The following GPC6 variants were observed in gnomAD, a reference collection of about 807,000 sequenced individuals.
The protein encoded by GPC6 is glypican 6.
GPC6 carries 14 observed loss-of-function variants against 55.2 expected under a neutral mutation model. That is an observed-to-expected ratio of 0.25 (90% CI 0.17 to 0.40). GPC6 has a LOEUF of 0.40. Ranked by LOEUF, GPC6 falls within the 10% of genes least tolerant of loss-of-function variation. The pLI, the probability that GPC6 is intolerant of heterozygous loss-of-function variation, is 1.00. For synonymous variants in GPC6, 278 were observed against 259.6 expected, an observed-to-expected ratio of 1.07 and a Z score of -0.68; for missense variants, 641 against 708.5, an observed-to-expected ratio of 0.90 and a Z score of 1.08.
chr13:94,053,268 A>C (rs1536778), intron 4 of GPC6, among the ~76,000 whole-genome samples: 5,082 of 152,154 alleles, frequency 0.033, 247 homozygotes, highest in African/African-American at 0.097. Flanking sequence ...AACTGGAATT[A>C]TGGAGGGTCA....
intron 6 of GPC6, among the ~76,000 whole-genome samples, chr13:94,308,914 A>G (rs1381892128): frequency 6.6e-6 from 1 of 152,222 alleles, no homozygotes; most frequent in Non-Finnish European, 1.5e-5. Flanking sequence ...AGCTCTGAAC[A>G]CTGGAAAGTT....
intron 5 of GPC6, among the ~76,000 whole-genome samples, chr13:94,286,780 G>C (rs1327469048): frequency 6.6e-6 from 1 of 152,114 alleles, no homozygotes; most frequent in Non-Finnish European, 1.5e-5. Context: ...AATTTGGGGG[G>C]AATTTTCTTT....
intron 2 of GPC6, among the ~76,000 whole-genome samples, chr13:93,607,449 TAGA>T (rs1344609819): frequency 2.0e-5 from 3 of 152,162 alleles, no homozygotes; most frequent in Non-Finnish European, 4.4e-5. Context: ...CCATGGATTG[TAGA>T]AGATTTGGAA....
chr13:93,908,198 G>T (rs1377278000), intron 3 of GPC6, among the ~76,000 whole-genome samples: 1 of 152,180 alleles, frequency 6.6e-6, no homozygotes, highest in Admixed American at 6.6e-5. Flanking sequence ...GGTAAAGGCA[G>T]ATTAACCAAG....
chr13:93,507,986 G>A (rs1880802948), intron 1 of GPC6, among the ~76,000 whole-genome samples: 1 of 152,110 alleles, frequency 6.6e-6, no homozygotes, highest in Admixed American at 6.5e-5. Flanking sequence ...GCATTGAGTG[G>A]CTCCCATGTC....
Position 94,184,198 on chromosome 13 carries a change from C to G in GPC6, c.878-102151C>G, listed in dbSNP as rs556471205. 5.3e-5 allele frequency among the ~76,000 whole-genome samples: 8 copies of G among 151,970 alleles called. No individual in the cohort carries two copies. The East Asian group carries it at 9.7e-4, about 18-fold the overall frequency. ...CGTAGAAGAAAACCTAGGAAATATC[C>G]TTCTCAACATCAACCTTAGCTAAGA... On this transcript the variant is annotated intron_variant, in intron 4 of 8. Transcript: ENST00000377047.
intron 4 of GPC6, among the ~76,000 whole-genome samples, chr13:94,165,904 T>C (rs951599537): frequency 6.6e-6 from 1 of 152,198 alleles, no homozygotes; most frequent in African/African-American, 2.4e-5. Flanking sequence ...CTCCTAATAG[T>C]AAATTTACAA....
At chr13:93,850,675 A>G (rs996933897) in intron 3 of GPC6, among the ~76,000 whole-genome samples, 34 of 152,068 alleles carry the variant, frequency 2.2e-4, no homozygotes, top group African/African-American at 6.0e-4. Context: ...AACATAGGAG[A>G]AAATGTAAAG....
intron 2 of GPC6, among the ~76,000 whole-genome samples, chr13:93,703,146 G>T (rs187708489): frequency 6.6e-6 from 1 of 151,842 alleles, no homozygotes; most frequent in East Asian, 1.9e-4. Flanking sequence ...AGAGGCCATT[G>T]TAGGGTTATT....
At chr13:93,605,060 T>A (rs1371872621) in intron 2 of GPC6, among the ~76,000 whole-genome samples, 1 of 151,928 alleles carries the variant, frequency 6.6e-6, no homozygotes, top group Non-Finnish European at 1.5e-5. Flanking sequence ...GATCCCTACC[T>A]TTTTTTTGTT....
chr13:93,723,533 C>T (rs768829044), intron 2 of GPC6, among the ~76,000 whole-genome samples: 23 of 151,902 alleles, frequency 1.5e-4, no homozygotes, highest in Admixed American at 3.9e-4. Flanking sequence ...GTCCCAGAGC[C>T]GCAGGAGTCA....
chr13:93,502,319 A>G (rs1880552513), intron 1 of GPC6, among the ~76,000 whole-genome samples: 1 of 151,978 alleles, frequency 6.6e-6, no homozygotes, highest in South Asian at 2.1e-4. Flanking sequence ...AGAGAGAGAA[A>G]TTTCACTAAT....
intron 4 of GPC6, among the ~76,000 whole-genome samples, chr13:94,089,233 A>G (rs1259807331): frequency 6.6e-6 from 1 of 152,122 alleles, no homozygotes; most frequent in African/African-American, 2.4e-5. Context: ...CCTCTTGCAG[A>G]CTCTGCACTG....
chr13:93,619,956 T>A (rs1044085502), intron 2 of GPC6, among the ~76,000 whole-genome samples: 4 of 152,152 alleles, frequency 2.6e-5, no homozygotes, highest in Non-Finnish European at 5.9e-5. Flanking sequence ...ATTCTAAATA[T>A]TTTCACTATG....
chr13:93,550,773 G>A (rs182980178), intron 2 of GPC6, among the ~76,000 whole-genome samples: 1 of 152,108 alleles, frequency 6.6e-6, no homozygotes, highest in East Asian at 1.9e-4. Context: ...CACATTTCTT[G>A]TCACAAGGGT....
intron 4 of GPC6, among the ~76,000 whole-genome samples, chr13:94,071,561 G>A (rs1884736877): frequency 6.6e-6 from 1 of 152,144 alleles, no homozygotes; most frequent in East Asian, 1.9e-4. Flanking sequence ...GGCTGTATCT[G>A]TGGTTTTATC....
chr13:93,481,603 A>C (rs1194321561), intron 1 of GPC6, among the ~76,000 whole-genome samples: 1 of 148,134 alleles, frequency 6.8e-6, no homozygotes. Context: ...TTTGGTGATA[A>C]TTTTTGTATA....
In GPC6 at chr13:94,372,563, A is replaced by G. The variant is rs559829158; in HGVS notation, c.1153-9851A>G. ...TCCCGCACCTGGCTCGGAGGGTCCT[A>G]CGCCCACGGAGTCTCGCTGATTGCT... On this transcript the variant is annotated intron_variant, in intron 6 of 8. Coordinates refer to ENST00000377047, the MANE Select transcript of GPC6 (RefSeq NM_005708.5). 1.6e-3 allele frequency among the ~76,000 whole-genome samples: 238 copies of G among 152,182 alleles called. 5 individuals carry two copies. The East Asian group carries it at 0.036, about 23-fold the overall frequency.
At chr13:93,697,720 A>G (rs9589813) in intron 2 of GPC6, among the ~76,000 whole-genome samples, 72,480 of 152,016 alleles carry the variant, frequency 0.48, 19,689 homozygotes, top group Middle Eastern at 0.74. Flanking sequence ...AATATCATAA[A>G]TTGCAGAGTC....
Sources: allele counts gnomAD v4.1 joint callset (sites outside exome capture counted in the v4.1 genomes callset), GRCh38; gene constraint gnomAD v4.1.1; transcripts MANE v1.5; gene names NCBI Gene and HGNC (gene_info 2026-07-23, HGNC 2026-07-21).